Variants in PDS5B observed in about 807,000 individuals in gnomAD.
The protein encoded by PDS5B is PDS5 cohesin associated factor B, also known as sister chromatid cohesion protein PDS5 homolog B.
In PDS5B, 51 loss-of-function variants were observed where a neutral mutation model predicts 184.1. The observed-to-expected ratio is 0.28, with a 90% CI of 0.22 to 0.35. The LOEUF is 0.35. Among genes scored for constraint, PDS5B ranks in the 10% least tolerant of loss-of-function variants. PDS5B has a pLI of 1.00. For synonymous variants in PDS5B, 566 were observed against 569.2 expected, an observed-to-expected ratio of 0.99 and a Z score of 0.08; for missense variants, 1,180 against 1,723.3, an observed-to-expected ratio of 0.68 and a Z score of 5.58.
At chr13:32,679,910 TG>T (rs1366369378) in intron 10 of PDS5B, among the ~76,000 whole-genome samples, 87 of 58,568 alleles carry the variant, frequency 1.5e-3, no homozygotes, top group African/African-American at 4.4e-3. Context: ...TGTGTGTGTG[TG>T]TGTGTCTGTT....
intron 1 of PDS5B, among the ~76,000 whole-genome samples, chr13:32,643,503 T>C (rs1459004631): frequency 6.6e-6 from 1 of 152,202 alleles, no homozygotes; most frequent in Admixed American, 6.5e-5. Flanking sequence ...TTTCCTGTTA[T>C]CGCTACCACT....
At chr13:32,601,899 A>T (rs368029495) in intron 1 of PDS5B, among the ~76,000 whole-genome samples, 1 of 152,250 alleles carries the variant, frequency 6.6e-6, no homozygotes, top group Non-Finnish European at 1.5e-5. Context: ...TGCCAGCACA[A>T]GTATAAGGGA....
intron 1 of PDS5B, among the ~76,000 whole-genome samples, chr13:32,593,502 G>T (rs1232266722): frequency 6.6e-6 from 1 of 152,088 alleles, no homozygotes; most frequent in Admixed American, 6.6e-5. Flanking sequence ...CACCACGCCC[G>T]GCTAATTTTT....
Position 32,757,737 on chromosome 13 carries a change from T to A in PDS5B, c.3057-350T>A, listed in dbSNP as rs183617611. Among the ~76,000 whole-genome samples the A allele has an allele frequency of 4.6e-5, 7 of 152,328 alleles. No homozygotes were observed. The East Asian group carries it at 1.3e-3, about 29-fold the overall frequency. On this transcript the variant is annotated intron_variant, in intron 26 of 34. Coordinates refer to ENST00000315596, the MANE Select transcript of PDS5B (RefSeq NM_015032.4). ...CTTGAGTATCTGAGGCCTCACTTGA[T>A]CCGTGGCCCCACTATTCCTTTGACA...
At chr13:32,626,025 G>A (rs1355094268) in intron 1 of PDS5B, among the ~76,000 whole-genome samples, 1 of 151,942 alleles carries the variant, frequency 6.6e-6, no homozygotes, top group African/African-American at 2.4e-5. Flanking sequence ...TTTTTAGTAG[G>A]TATGGGGTTT....
At chr13:32,714,134 A>G (rs2140902568) in intron 19 of PDS5B, among the ~76,000 whole-genome samples, 1 of 152,330 alleles carries the variant, frequency 6.6e-6, no homozygotes, top group East Asian at 1.9e-4. Context: ...GACATCAAGT[A>G]CTTAACAGGG....
chr13:32,687,195 A>T lies in PDS5B; in HGVS notation c.1265A>T (p.Gln422Leu), dbSNP rs1433691100. Residue 422 changes from glutamine to leucine, a missense_variant, in exon 12 of 35, where the codon CAG becomes CTG. Physicochemically the swap from Gln to Leu is moderately radical, Grantham distance 113 (BLOSUM62 -2). Coordinates refer to ENST00000315596, the MANE Select transcript of PDS5B (RefSeq NM_015032.4). ...CAAATTTATAAGAAATATGCTTTAC[A>T]GTCAGCAGCTGGAAAAGATGCTGCA... is the stretch of plus-strand genomic sequence containing the variant. ...LAQIYKKYAL[Q>L]SAAGKDAAKQ... 20 of 1,609,910 alleles carry T rather than the reference A, an allele frequency of 1.2e-5. No individual in the cohort carries two copies. The highest frequency in any genetic ancestry group is 2.7e-5 in the African/African-American group (2 of 74,876).
At chr13:32,627,061 A>G (rs1329483949) in intron 1 of PDS5B, among the ~76,000 whole-genome samples, 3 of 152,220 alleles carry the variant, frequency 2.0e-5, no homozygotes, top group Non-Finnish European at 4.4e-5. Flanking sequence ...CTCAAAGATA[A>G]TATTACCTTC....
Position 32,736,116 on chromosome 13 carries a change from A to G in PDS5B, c.2406+786A>G, listed in dbSNP as rs905497944. On this transcript the variant is annotated intron_variant, in intron 21 of 34. Transcript: ENST00000315596. ...TCAGTATAGCACAAGGAACTTCAAA[A>G]TACTTTAATTCCTTTTATTCCTTGG... is the stretch of plus-strand genomic sequence containing the variant. Among the ~76,000 whole-genome samples, 3 of 152,142 alleles carry G rather than the reference A, an allele frequency of 2.0e-5. No individual in the cohort carries two copies. In the South Asian group the frequency reaches 6.2e-4, roughly 32 times the overall value.
At position 32,673,268 on chromosome 13, in the gene PDS5B, A is replaced by C; in HGVS notation, c.758A>C (p.Glu253Ala). ...LGKTSISDLS[E>A]HVFDLILELY... is the part of the protein sequence containing the mutation. ...AAAACATCTATCAGCGATTTGTCAG[A>C]GCATGTCTTTGACTTAATTTTGGAG... Residue 253 changes from glutamate (E) to alanine (A), a missense_variant, in exon 8 of 35, where the codon GAG becomes GCG. This residue lies in a region of PDS5B where 79 missense variants were observed against 124.6 expected (regional missense o/e 0.63). Coordinates refer to ENST00000315596, the MANE Select transcript of PDS5B (RefSeq NM_015032.4). 1 of 1,613,322 alleles carries C rather than the reference A, an allele frequency of 6.2e-7. No individual in the cohort carries two copies. Among genetic ancestry groups the C allele is most frequent in the Non-Finnish European group, 8.5e-7 (1 of 1,179,542 alleles).
intron 1 of PDS5B, among the ~76,000 whole-genome samples, chr13:32,592,241 G>A (rs2057787324): frequency 6.6e-6 from 1 of 152,084 alleles, no homozygotes; most frequent in African/African-American, 2.4e-5. Context: ...CAGAGATGAG[G>A]TGTGCTTAGT....
rs554906012 is a variant in PDS5B at position 32,710,173 on chromosome 13, A to G, written c.2123+67A>G. 1,484 of 1,108,398 alleles carry G rather than the reference A, an allele frequency of 1.3e-3. 7 individuals are homozygous for G. Among genetic ancestry groups the G allele is most frequent in the Non-Finnish European group, 1.7e-3 (1,366 of 821,424 alleles). 68.7% of individuals were successfully genotyped at this position (1,108,398 alleles called of 1,614,324 possible). On this transcript the variant is annotated intron_variant, in intron 19 of 34. Transcript: ENST00000315596. ...ACATAATTATTTCTTGATTTATGCAATAATTGGGAATCTTTCAAGTTTTGA... is the reference window on the plus strand; with the variant it reads ...ACATAATTATTTCTTGATTTATGCAGTAATTGGGAATCTTTCAAGTTTTGA...
At chr13:32,716,395 G>C (rs940325602) in intron 19 of PDS5B, among the ~76,000 whole-genome samples, 1 of 149,268 alleles carries the variant, frequency 6.7e-6, no homozygotes, top group African/African-American at 2.5e-5. Context: ...CAGCCACCCC[G>C]TTTGAGAAGT....
intron 13 of PDS5B, among the ~76,000 whole-genome samples, chr13:32,693,157 C>T (rs1473246171): frequency 2.6e-5 from 4 of 151,830 alleles, no homozygotes; most frequent in African/African-American, 4.8e-5. Flanking sequence ...GATTTTTAGT[C>T]CTCTGGAGTA....
chr13:32,694,169 AG>A, intron 13 of PDS5B, 53 bp from the exon 14 acceptor site: 1 of 1,220,348 alleles, frequency 8.2e-7, no homozygotes, highest in South Asian at 1.3e-5. Context: ...GTAATATTCT[AG>A]AAAGATTTTT....
chr13:32,772,526 A>T (rs1032021528), intron 33 of PDS5B, among the ~76,000 whole-genome samples: 2 of 152,178 alleles, frequency 1.3e-5, no homozygotes, highest in African/African-American at 4.8e-5. Flanking sequence ...GTGAAAAATA[A>T]CTTGGCAAAA....
intron 28 of PDS5B, 124 bp downstream of exon 28, chr13:32,758,777 A>T: frequency 1.1e-6 from 1 of 897,340 alleles, no homozygotes; most frequent in Non-Finnish European, 1.7e-6. Flanking sequence ...ATTTAAGATC[A>T]GAACCAGAAT....
Position 32,758,074 on chromosome 13 carries a change from T to G in PDS5B, c.3057-13T>G. 1 of 1,247,244 alleles carries G rather than the reference T, an allele frequency of 8.0e-7. No individual in the cohort carries two copies. Among genetic ancestry groups the G allele is most frequent in the Non-Finnish European group, 1.1e-6 (1 of 934,866 alleles). The allele number at this position is 1,247,244 out of a possible 1,614,324, so 77.3% of individuals were successfully genotyped here. Reference sequence around the variant, plus strand: ...TTCTTCTATATTTCTTTTTTCCTTTTTTTTTTTTTTAGATGTCTTTGGTTT... The same window carrying G: ...TTCTTCTATATTTCTTTTTTCCTTTGTTTTTTTTTTAGATGTCTTTGGTTT... On this transcript the variant is annotated splice_polypyrimidine_tract_variant and intron_variant, in intron 26 of 34. Transcript: ENST00000315596.
rs1356851607 is a variant in PDS5B, at chr13:32,732,212, A to C, written c.2235A>C (p.Ala745=). 13 of 1,606,306 alleles carry C rather than the reference A, an allele frequency of 8.1e-6. No individual in the cohort carries two copies. The highest frequency in any genetic ancestry group is 1.1e-5 in the Non-Finnish European group (13 of 1,175,662). The change falls in exon 20 of 35, where the codon GCA becomes GCC. Residue 745 remains alanine, a synonymous_variant. Transcript: ENST00000315596. ...AIFSSKETQF[A]QIFEPLHKSL... is the part of the protein sequence containing the mutation. ...TTTCTAGTAAAGAGACCCAGTTTGC[A>C]CAGATATTTGAGGTAATGAGAAAAA...
Sources: gnomAD v4.1 joint callset for allele counts (sites outside exome capture counted in the v4.1 genomes callset) on GRCh38, gnomAD v4.1.1 for gene constraint, gnomAD v4.1.1 regional missense constraint, MANE v1.5 for transcripts, NCBI Gene and HGNC (gene_info 2026-07-23, HGNC 2026-07-21) for gene names.